Variants in RANBP2 observed in about 807,000 individuals in gnomAD.
RANBP2 encodes the protein E3 SUMO-protein ligase RanBP2.
A neutral mutation model predicts 303.6 loss-of-function variants in RANBP2; 57 were observed. The ratio of observed to expected loss-of-function variants is 0.19; its 90% CI spans 0.15 to 0.23. The LOEUF (loss-of-function observed/expected upper bound fraction) is 0.23. RANBP2 is among the 10% of genes least tolerant of loss of function. RANBP2 has a pLI of 1.00. For missense variants in RANBP2, 3,138 were observed against 3,780.8 expected (o/e 0.83, Z 4.46); for synonymous variants, 1,167 against 1,301.5 (o/e 0.90, Z 2.23).
At chr2:108,924,030 C>T in the RANBP2 span, among the ~76,000 whole-genome samples, 1 of 152,236 alleles carries the variant, frequency 6.6e-6, no homozygotes, top group Non-Finnish European at 1.5e-5. Flanking sequence ...TGATAGCTGG[C>T]AACACAACCA....
rs1003060160 is a variant in RANBP2, at chr2:108,784,731, A to G, written c.*830A>G. 12 of 152,744 alleles carry G rather than the reference A, an allele frequency of 7.9e-5. No individual in the cohort carries two copies. Among genetic ancestry groups the G allele is most frequent in the African/African-American group, 2.6e-4 (11 of 41,568 alleles). The allele number at this position is 152,744 out of a possible 1,614,324, so 9.5% of individuals were successfully genotyped here. ...TCGTTAAAGATTTGCTTTATACAAG[A>G]TTGTTGCAGTACCTTTTTCTGGTAA... On this transcript the variant is annotated 3_prime_UTR_variant, in exon 29 of 29. Coordinates refer to ENST00000283195, the MANE Select transcript of RANBP2 (RefSeq NM_006267.5).
chr2:109,109,812 A>G, the RANBP2 span, among the ~76,000 whole-genome samples: 1 of 152,182 alleles, frequency 6.6e-6, no homozygotes, highest in African/African-American at 2.4e-5. Flanking sequence ...TGAAGATAGT[A>G]GTCTTGGAAT....
chr2:109,545,503 G>A, the RANBP2 span: 1 of 1,535,980 alleles, frequency 6.5e-7, no homozygotes, highest in East Asian at 2.4e-5. Flanking sequence ...CACAAGCTCT[G>A]ACATCAATGC....
chr2:108,748,249 C>T (rs1675534255), intron 8 of RANBP2, among the ~76,000 whole-genome samples: 1 of 151,618 alleles, frequency 6.6e-6, no homozygotes, highest in Non-Finnish European at 1.5e-5. Flanking sequence ...ACTCTGTCGC[C>T]CGGGCTGGAG....
the RANBP2 span, among the ~76,000 whole-genome samples, chr2:108,916,693 G>A: frequency 6.6e-6 from 1 of 152,284 alleles, no homozygotes; most frequent in South Asian, 2.1e-4. Context: ...CTCTGAGCAC[G>A]TGTGCGCAGC....
At chr2:109,506,199 GCCTCAGT>G in the RANBP2 span, among the ~76,000 whole-genome samples, 1 of 152,202 alleles carries the variant, frequency 6.6e-6, no homozygotes, top group African/African-American at 2.4e-5. Flanking sequence ...TTCAGTTGAG[GCCTCAGT>G]CCCTGTGGGT....
At chr2:109,490,641 G>C in the RANBP2 span, 1 of 1,492,750 alleles carries the variant, frequency 6.7e-7, no homozygotes, top group Non-Finnish European at 8.9e-7. Flanking sequence ...GCTTCTAGCC[G>C]GAGCATCCAC....
At position 108,783,582 on chromosome 2, in the gene RANBP2, A is replaced by T; in HGVS notation, c.9370-14A>T. 2 of 1,591,232 alleles carry T rather than the reference A, an allele frequency of 1.3e-6. No homozygotes were observed. Among genetic ancestry groups the T allele is most frequent in the Non-Finnish European group, 1.7e-6 (2 of 1,166,302 alleles). ...AAAAATTTTTAACTTTTTTATTATA[A>T]ATCTTTTTTTCAGGGAGGAGATATC... On this transcript the variant is annotated splice_polypyrimidine_tract_variant and intron_variant, in intron 28 of 28. Coordinates refer to ENST00000283195, the MANE Select transcript of RANBP2 (RefSeq NM_006267.5).
At chr2:108,829,704 C>A in the RANBP2 span, among the ~76,000 whole-genome samples, 2 of 152,188 alleles carry the variant, frequency 1.3e-5, no homozygotes, top group Non-Finnish European at 2.9e-5. Context: ...CAAGATCGTG[C>A]CACCACACTA....
chr2:108,990,437 CAAAAA>C, the RANBP2 span, among the ~76,000 whole-genome samples: 2 of 70,646 alleles, frequency 2.8e-5, no homozygotes, highest in African/African-American at 1.2e-4. Flanking sequence ...GACTCCGTCT[CAAAAA>C]AAAAAAAAAA....
downstream of RANBP2, among the ~76,000 whole-genome samples, chr2:108,786,380 A>G (rs536620258): frequency 6.6e-6 from 1 of 151,038 alleles, no homozygotes; most frequent in South Asian, 2.1e-4. Context: ...CACGCGCGCC[A>G]CCACTCCCGG....
chr2:108,953,631 G>C, the RANBP2 span, among the ~76,000 whole-genome samples: 1 of 152,236 alleles, frequency 6.6e-6, no homozygotes, highest in Admixed American at 6.5e-5. Flanking sequence ...ACAACCAGAT[G>C]ATTTTCTAGG....
the RANBP2 span, among the ~76,000 whole-genome samples, chr2:109,197,124 G>T: frequency 6.6e-6 from 1 of 152,220 alleles, no homozygotes; most frequent in African/African-American, 2.4e-5. Context: ...CAGAGGTTGG[G>T]TTTGAACCTG....
At chr2:109,009,712 T>A in the RANBP2 span, among the ~76,000 whole-genome samples, 2 of 91,532 alleles carry the variant, frequency 2.2e-5, no homozygotes, top group Non-Finnish European at 5.1e-5. Flanking sequence ...CTTTTTTTTG[T>A]TTTTTTTTTT....
chr2:109,219,764 A>G, the RANBP2 span, among the ~76,000 whole-genome samples: 5 of 152,250 alleles, frequency 3.3e-5, no homozygotes, highest in Non-Finnish European at 7.3e-5. Flanking sequence ...ACTGAAAACT[A>G]CAACATGTTT....
At chr2:109,204,004 T>C in the RANBP2 span, among the ~76,000 whole-genome samples, 2 of 152,116 alleles carry the variant, frequency 1.3e-5, no homozygotes, top group African/African-American at 2.4e-5. Flanking sequence ...GGGCTCTGAG[T>C]GTGAAAACCC....
the RANBP2 span, among the ~76,000 whole-genome samples, chr2:109,311,698 G>T: frequency 6.6e-6 from 1 of 152,232 alleles, no homozygotes; most frequent in Non-Finnish European, 1.5e-5. Flanking sequence ...TCTGACTGAT[G>T]TACCCTGGTG....
At chr2:109,447,147 TAA>T in the RANBP2 span, among the ~76,000 whole-genome samples, 2,405 of 82,710 alleles carry the variant, frequency 0.029, 66 homozygotes, top group African/African-American at 0.086. Flanking sequence ...CCTGAATATT[TAA>T]AAAAAAAAAA....
At chr2:108,862,996 A>G in the RANBP2 span, among the ~76,000 whole-genome samples, 2 of 152,048 alleles carry the variant, frequency 1.3e-5, no homozygotes, top group African/African-American at 2.4e-5. Flanking sequence ...TTTGGACTAT[A>G]CTCCAGGCAT....
Sources: allele counts gnomAD v4.1 joint callset (sites outside exome capture counted in the v4.1 genomes callset), GRCh38; gene constraint gnomAD v4.1.1; transcripts MANE v1.5; gene names NCBI Gene and HGNC (gene_info 2026-07-23, HGNC 2026-07-21).